Variants in GPC5 observed in about 807,000 individuals in gnomAD.
GPC5 encodes the protein glypican-5.
In GPC5, 47 loss-of-function variants were observed where a neutral mutation model predicts 53.9. The ratio of observed to expected loss-of-function variants is 0.87; its 90% CI spans 0.69 to 1.11. The LOEUF (loss-of-function observed/expected upper bound fraction) is 1.11, where lower values mean the gene tolerates loss of function less well. Ranked by LOEUF, GPC5 falls within the 50% of genes most tolerant of loss-of-function variation. GPC5 has a pLI of 0.00. For missense variants in GPC5, 748 were observed against 713.1 expected (o/e 1.05, Z -0.56); for synonymous variants, 286 against 263.3 (o/e 1.09, Z -0.84).
At chr13:92,258,225 AG>A (rs2042741110) in intron 7 of GPC5, among the ~76,000 whole-genome samples, 1 of 152,212 alleles carries the variant, frequency 6.6e-6, no homozygotes, top group Non-Finnish European at 1.5e-5. Flanking sequence ...ACTTATAAAT[AG>A]GGCAATACCC....
intron 5 of GPC5, among the ~76,000 whole-genome samples, chr13:91,880,618 C>T (rs1026118644): frequency 9.9e-5 from 15 of 152,088 alleles, no homozygotes; most frequent in Middle Eastern, 3.4e-3. Flanking sequence ...TTTTTGGGAA[C>T]GCCATATGCC....
chr13:92,019,615 C>T (rs2352538), intron 6 of GPC5, among the ~76,000 whole-genome samples: 134,777 of 151,986 alleles, frequency 0.89, 60,536 homozygotes, highest in East Asian at 1. Flanking sequence ...TAGAGACTTT[C>T]CAGTGTTAAA....
At position 91,669,247 on chromosome 13, in the gene GPC5, C is replaced by A. The variant is rs1039334975; in HGVS notation, c.326-23940C>A. ...TGGTATAGAGTATGTGCATTACGAG[C>A]ACACTGCAAACAAGAGTGAGACAAA... On this transcript the variant is annotated intron_variant, in intron 2 of 7. Transcript: ENST00000377067. Among the ~76,000 whole-genome samples, 10 of 152,172 alleles carry A rather than the reference C, an allele frequency of 6.6e-5. No homozygotes were observed. The East Asian group carries it at 1.9e-3, about 29-fold the overall frequency.
At chr13:91,557,051 C>A (rs2030998393) in intron 2 of GPC5, among the ~76,000 whole-genome samples, 1 of 152,016 alleles carries the variant, frequency 6.6e-6, no homozygotes, top group Non-Finnish European at 1.5e-5. Flanking sequence ...TTTTTATTAA[C>A]CTAGGCTAAA....
intron 2 of GPC5, among the ~76,000 whole-genome samples, chr13:91,554,921 A>G (rs2030857182): frequency 6.6e-6 from 1 of 152,074 alleles, no homozygotes; most frequent in Admixed American, 6.6e-5. Context: ...TCCCACTTTT[A>G]TGTCTTCAAA....
intron 7 of GPC5, among the ~76,000 whole-genome samples, chr13:92,782,262 TCTC>T (rs575817473): frequency 4.7e-4 from 71 of 152,274 alleles, no homozygotes; most frequent in African/African-American, 1.6e-3. Context: ...CCTTACCAAA[TCTC>T]CTTCTTGTGT....
intron 2 of GPC5, among the ~76,000 whole-genome samples, chr13:91,459,297 A>T (rs1045214919): frequency 1.3e-5 from 2 of 152,162 alleles, no homozygotes; most frequent in Non-Finnish European, 2.9e-5. Flanking sequence ...CCTGTCTTAA[A>T]AAATAATAAA....
At chr13:92,650,408 A>G (rs1337530595) in intron 7 of GPC5, among the ~76,000 whole-genome samples, 2 of 152,140 alleles carry the variant, frequency 1.3e-5, no homozygotes, top group African/African-American at 4.8e-5. Context: ...ATGGGCTGCA[A>G]ATGAAAATTT....
intron 2 of GPC5, among the ~76,000 whole-genome samples, chr13:91,638,074 A>C (rs1324201730): frequency 6.6e-6 from 1 of 152,222 alleles, no homozygotes; most frequent in Non-Finnish European, 1.5e-5. Flanking sequence ...GGAAAACAGC[A>C]AGGCCCAGAA....
intron 2 of GPC5, among the ~76,000 whole-genome samples, chr13:91,631,491 A>T (rs984897077): frequency 6.6e-6 from 1 of 152,150 alleles, no homozygotes; most frequent in South Asian, 2.1e-4. Context: ...GCTTTAAAAC[A>T]TCAAAAAATA....
At chr13:91,905,920 C>T (rs181142646) in intron 5 of GPC5, among the ~76,000 whole-genome samples, 98 of 152,110 alleles carry the variant, frequency 6.4e-4, no homozygotes, top group African/African-American at 2.2e-3. Flanking sequence ...TTTTGGAGCA[C>T]AAGTAGTTTT....
At chr13:91,740,611 C>T (rs1343164012) in intron 4 of GPC5, among the ~76,000 whole-genome samples, 1 of 152,094 alleles carries the variant, frequency 6.6e-6, no homozygotes, top group Non-Finnish European at 1.5e-5. Flanking sequence ...CATCAAAGAC[C>T]CTGAGTGATT....
intron 7 of GPC5, among the ~76,000 whole-genome samples, chr13:92,513,703 G>C (rs1054085034): frequency 2.6e-5 from 4 of 151,932 alleles, no homozygotes; most frequent in Non-Finnish European, 1.5e-5. Context: ...GGGGGGTTTG[G>C]GAATGTGTGC....
In GPC5 at chr13:92,147,259, C is replaced by G. The variant is rs369840526; in HGVS notation, c.1561+2270C>G. Among the ~76,000 whole-genome samples the G allele has an allele frequency of 1.1e-4, 17 of 151,964 alleles. No individual in the cohort carries two copies. In the South Asian group the frequency reaches 3.3e-3, roughly 30 times the overall value. ...TTTAGGAATTATAACACTTATCCATCAGGGCAGTATTTAATAATCTTTCAT... is the reference window on the plus strand; with the variant it reads ...TTTAGGAATTATAACACTTATCCATGAGGGCAGTATTTAATAATCTTTCAT... On this transcript the variant is annotated intron_variant, in intron 7 of 7. Coordinates refer to ENST00000377067, the MANE Select transcript of GPC5 (RefSeq NM_004466.6).
At position 91,398,657 on chromosome 13, in the gene GPC5, GGA is replaced by G. The variant is rs1876647808; in HGVS notation, c.-388_-387del. The G allele has an allele frequency of 9.9e-6, 1 of 101,424 alleles. No individual in the cohort carries two copies. Among genetic ancestry groups the G allele is most frequent in the Admixed American group, 1.7e-4 (1 of 5,768 alleles). The allele number at this position is 101,424 out of a possible 1,614,324, so 6.3% of individuals were successfully genotyped here. Reference sequence around the variant, plus strand: ...GCTGCTGCGAGCCGAGCCGGGCGGCGGAGGCGGCGGCGGCGGCGGCAGTGGCG... The same window carrying G: ...GCTGCTGCGAGCCGAGCCGGGCGGCGGGCGGCGGCGGCGGCGGCAGTGGCG... On this transcript the variant is annotated 5_prime_UTR_variant, in exon 1 of 8. Coordinates refer to ENST00000377067, the MANE Select transcript of GPC5 (RefSeq NM_004466.6).
At chr13:91,485,317 G>GT (rs1883544082) in intron 2 of GPC5, among the ~76,000 whole-genome samples, 1 of 151,346 alleles carries the variant, frequency 6.6e-6, no homozygotes, top group Non-Finnish European at 1.5e-5. Context: ...GGTTCAAGCG[G>GT]TTCTCCTGCC....
chr13:92,527,252 AAAGAAAGAAAGAAAGAAAGAAAGAAAG>A (rs1566277281), intron 7 of GPC5, among the ~76,000 whole-genome samples: 1 of 98,306 alleles, frequency 1.0e-5, no homozygotes, highest in African/African-American at 5.3e-5. Flanking sequence ...AAAGAAAGAG[AAAGAAAGAAAGAAAGAAAGAAAGAAAG>A]AAAAAGATCA....
chr13:92,019,195 C>A (rs1187828438), intron 6 of GPC5, among the ~76,000 whole-genome samples: 1 of 151,816 alleles, frequency 6.6e-6, no homozygotes, highest in African/African-American at 2.4e-5. Flanking sequence ...TTATTACATA[C>A]ACATACTCTC....
intron 7 of GPC5, among the ~76,000 whole-genome samples, chr13:92,474,426 C>G (rs1347575706): frequency 6.6e-6 from 1 of 151,986 alleles, no homozygotes; most frequent in Admixed American, 6.6e-5. Context: ...ATTTCAGATA[C>G]TGATCGGGAG....
Sources: gnomAD v4.1 joint callset for allele counts (sites outside exome capture counted in the v4.1 genomes callset) on GRCh38, gnomAD v4.1.1 for gene constraint, MANE v1.5 for transcripts, NCBI Gene and HGNC (gene_info 2026-07-23, HGNC 2026-07-21) for gene names.